The following UNC5C variants were observed in gnomAD, a reference collection of about 807,000 sequenced individuals.
UNC5C encodes the protein unc-5 netrin receptor C.
A neutral mutation model predicts 99.8 loss-of-function variants in UNC5C; 47 were observed. The ratio of observed to expected loss-of-function variants is 0.47; its 90% confidence interval spans 0.37 to 0.60. UNC5C has a LOEUF of 0.60. Ranked by LOEUF, UNC5C falls within the 20% of genes least tolerant of loss-of-function variation. The pLI, the probability that UNC5C is intolerant of heterozygous loss-of-function variation, is 0.00. For missense variants in UNC5C, 1,062 were observed against 1,165.9 expected (o/e 0.91, Z 1.30); for synonymous variants, 487 against 452.2 (o/e 1.08, Z -0.98).
rs149224024 is a variant in UNC5C at position 95,197,701 on chromosome 4, A to G, written c.2136+5030T>C. 3.4e-3 allele frequency among the ~76,000 whole-genome samples: 516 copies of G among 152,244 alleles called. 3 individuals are homozygous for G. Among genetic ancestry groups the G allele is most frequent in the African/African-American group, 0.011 (477 of 41,532 alleles). ...AAGTCAAGAAGAGCTAAATAAAAGG[A>G]TTACGGAGAAGCAGGGAAGGCATCC... On this transcript the variant is annotated intron_variant, in intron 12 of 15. Transcript: ENST00000453304.
chr4:95,452,894 C>T (rs745904600), intron 1 of UNC5C, among the ~76,000 whole-genome samples: 3 of 152,118 alleles, frequency 2.0e-5, no homozygotes, highest in Non-Finnish European at 2.9e-5. Flanking sequence ...TTATCTTATC[C>T]ATTGCTGAAA....
chr4:95,398,065 C>CTTTTTTTTTTTTTTTTTTTTTT (rs1479323772), intron 1 of UNC5C, among the ~76,000 whole-genome samples: 4 of 45,712 alleles, frequency 8.8e-5, no homozygotes, highest in South Asian at 7.7e-4. Flanking sequence ...TTTTTTTTTG[C>CTTTTTTTTTTTTTTTTTTTTTT]TTATGTAAAA....
chr4:95,193,234 A>G (rs3755879), intron 12 of UNC5C, among the ~76,000 whole-genome samples: 84,877 of 152,178 alleles, frequency 0.56, 27,820 homozygotes, highest in Admixed American at 0.74. Context: ...AGGTGGAGGT[A>G]GCTACTGAGG....
chr4:95,396,298 T>C (rs1470392348), intron 1 of UNC5C, among the ~76,000 whole-genome samples: 1 of 152,216 alleles, frequency 6.6e-6, no homozygotes, highest in African/African-American at 2.4e-5. Flanking sequence ...TTCCTGCTTT[T>C]CACTTTAAAG....
intron 1 of UNC5C, among the ~76,000 whole-genome samples, chr4:95,446,878 G>A (rs1479214905): frequency 6.6e-6 from 1 of 152,174 alleles, no homozygotes; most frequent in Non-Finnish European, 1.5e-5. Flanking sequence ...GTATACCACT[G>A]TTTTATCTTG....
intron 1 of UNC5C, among the ~76,000 whole-genome samples, chr4:95,465,105 C>T (rs971278065): frequency 2.6e-5 from 4 of 152,064 alleles, no homozygotes; most frequent in Admixed American, 6.6e-5. Flanking sequence ...CTCACTAAGG[C>T]GCATCGTTCC....
intron 1 of UNC5C, among the ~76,000 whole-genome samples, chr4:95,546,209 C>T (rs2149497961): frequency 6.6e-6 from 1 of 152,284 alleles, no homozygotes; most frequent in East Asian, 1.9e-4. Flanking sequence ...ATCTTTAAGT[C>T]ATCACCACAA....
At chr4:95,541,464 C>T (rs1347541350) in intron 1 of UNC5C, among the ~76,000 whole-genome samples, 4 of 152,098 alleles carry the variant, frequency 2.6e-5, no homozygotes, top group Non-Finnish European at 5.9e-5. Flanking sequence ...GGAAGGACTG[C>T]TGCACATGAA....
At chr4:95,170,084 C>T (rs1579192517) in intron 15 of UNC5C, 70 bp downstream of exon 15, 23 of 1,530,340 alleles carry the variant, frequency 1.5e-5, no homozygotes, top group South Asian at 3.8e-5. Flanking sequence ...GCTAACCCTA[C>T]GTCTAATAGT....
rs148899633 is a variant in UNC5C, at chr4:95,218,818, A to G, written c.1645+151T>C. The G allele has an allele frequency of 2.3e-4, 165 of 705,600 alleles. No individual in the cohort carries two copies. The African/African-American group carries it at 2.6e-3, about 11-fold the overall frequency. 43.7% of individuals were successfully genotyped at this position (705,600 alleles called of 1,614,324 possible). A position where few individuals can be genotyped will look rare whatever the true frequency, so the allele number is the denominator to read the frequency against. On this transcript the variant is annotated intron_variant, in intron 9 of 15. Coordinates refer to ENST00000453304, the MANE Select transcript of UNC5C (RefSeq NM_003728.4). ...TGGTTTTGCTGATTTGTCTGAAGTA[A>G]TGTTCTGTTTACATTGAAAGTAGAT...
intron 1 of UNC5C, among the ~76,000 whole-genome samples, chr4:95,509,492 A>T (rs1382786183): frequency 6.6e-6 from 1 of 151,866 alleles, no homozygotes; most frequent in East Asian, 1.9e-4. Flanking sequence ...AACAAATAAG[A>T]TGAAGAAATT....
intron 5 of UNC5C, chr4:95,248,700 C>T: frequency 2.6e-6 from 1 of 381,512 alleles, no homozygotes; most frequent in South Asian, 2.0e-5. Context: ...ATCATGTACC[C>T]CATAACATTT....
chr4:95,416,248 T>G (rs895653748), intron 1 of UNC5C, among the ~76,000 whole-genome samples: 7 of 152,246 alleles, frequency 4.6e-5, no homozygotes, highest in African/African-American at 1.4e-4. Flanking sequence ...ACTAAGAGTT[T>G]GGAAAGAATA....
chr4:95,206,659 A>G lies in UNC5C; in HGVS notation c.1871T>C (p.Leu624Pro). ...DPNTEDWKIL[L>P]KNQAAQGQWE... ...CTGTCCCTGTGCTGCCTGGTTCTTG[A>G]GCAGTATTTTCCAGTCCTCGGTATT... Residue 624 changes from leucine to proline, a missense_variant, in exon 11 of 16, where the codon CTC (leucine) becomes CCC (proline). This residue lies in a region of UNC5C where 810 missense variants were observed against 854.5 expected (regional missense o/e 0.95). Transcript: ENST00000453304. 1 of 1,614,044 alleles carries G rather than the reference A, an allele frequency of 6.2e-7. No homozygotes were observed. The highest frequency in any genetic ancestry group is 8.5e-7 in the Non-Finnish European group (1 of 1,180,030).
At chr4:95,315,686 T>A (rs140213206) in intron 2 of UNC5C, among the ~76,000 whole-genome samples, 1 of 152,308 alleles carries the variant, frequency 6.6e-6, no homozygotes, top group East Asian at 1.9e-4. Context: ...CCATGAGGTA[T>A]GGATCATAGT....
At position 95,206,704 on chromosome 4, in the gene UNC5C, A is replaced by T; in HGVS notation, c.1826T>A (p.Met609Lys). The change falls in exon 11 of 16, where the codon ATG (methionine) becomes AAG (lysine). Residue 609 changes from methionine (M) to lysine (K), a missense_variant. Transcript: ENST00000453304. ...ALLTRPVVLT[M>K]HHCADPNTED... ...GGTATTGGGGTCTGCGCAGTGATGC[A>T]TAGTGAGGACGACTGGGCGGGTGAG... The T allele has an allele frequency of 6.2e-7, 1 of 1,614,116 alleles. No individual in the cohort carries two copies. The highest frequency in any genetic ancestry group is 8.5e-7 in the Non-Finnish European group (1 of 1,180,016).
intron 9 of UNC5C, among the ~76,000 whole-genome samples, chr4:95,217,154 CA>C (rs1738280962): frequency 6.6e-6 from 1 of 152,104 alleles, no homozygotes; most frequent in African/African-American, 2.4e-5. Flanking sequence ...TTGTGAATTT[CA>C]AAAAGGAAAA....
chr4:95,203,109 G>A (rs1737749234), intron 11 of UNC5C, 145 bp from the exon 12 acceptor site: 4 of 658,716 alleles, frequency 6.1e-6, no homozygotes, highest in Non-Finnish European at 7.8e-6. Flanking sequence ...GTCTACTTGA[G>A]TTCATCATTC....
chr4:95,191,563 C>T (rs1289703752), intron 12 of UNC5C, among the ~76,000 whole-genome samples: 1 of 151,474 alleles, frequency 6.6e-6, no homozygotes, highest in East Asian at 2.0e-4. Context: ...CCACTTTGTG[C>T]TCACCCTCCT....
Sources: allele counts gnomAD v4.1 joint callset (sites outside exome capture counted in the v4.1 genomes callset), GRCh38; gene constraint gnomAD v4.1.1; regional missense constraint gnomAD v4.1.1; transcripts MANE v1.5; gene names NCBI Gene and HGNC (gene_info 2026-07-23, HGNC 2026-07-21).